The following DIP2C variants were observed in gnomAD, a reference collection of about 807,000 sequenced individuals.
DIP2C encodes the protein disco-interacting protein 2 homolog C.
In DIP2C, 33 loss-of-function variants were observed where a neutral mutation model predicts 192.4. The ratio of observed to expected loss-of-function variants is 0.17; its 90% CI spans 0.13 to 0.23. DIP2C has a LOEUF of 0.23. DIP2C is among the 10% of genes least tolerant of loss of function. The probability of loss-of-function intolerance (pLI) is 1.00; values close to 1 mark genes in which losing one functional copy is unlikely to be tolerated. For synonymous variants in DIP2C, 979 were observed against 864.1 expected (o/e 1.13, Z -2.33); for missense variants, 1,537 against 2,110.1 (o/e 0.73, Z 5.32).
chr10:684,357 T>C (rs1388411142), intron 1 of DIP2C, among the ~76,000 whole-genome samples: 3 of 152,242 alleles, frequency 2.0e-5, no homozygotes, highest in Non-Finnish European at 4.4e-5. Flanking sequence ...GACTTTCAGA[T>C]AGATGTAACA....
chr10:485,304 A>G (rs781372783), intron 2 of DIP2C, among the ~76,000 whole-genome samples: 76 of 152,332 alleles, frequency 5.0e-4, no homozygotes, highest in South Asian at 2.3e-3. Flanking sequence ...CTGTCGCCCC[A>G]TGGCTCTGCG....
intron 10 of DIP2C, among the ~76,000 whole-genome samples, chr10:396,313 C>T (rs1169862719): frequency 6.6e-6 from 1 of 152,204 alleles, no homozygotes; most frequent in Admixed American, 6.5e-5. Context: ...TTTCTGCCAA[C>T]CTGAGAGCAG....
At chr10:338,280 A>G (rs576166683) in intron 29 of DIP2C, among the ~76,000 whole-genome samples, 145 of 152,346 alleles carry the variant, frequency 9.5e-4, no homozygotes, top group African/African-American at 3.3e-3. Flanking sequence ...TGGCGTAGCC[A>G]AAGTGTCTGG....
intron 1 of DIP2C, among the ~76,000 whole-genome samples, chr10:676,291 C>T (rs1830873536): frequency 6.6e-6 from 1 of 152,130 alleles, no homozygotes; most frequent in African/African-American, 2.4e-5. Context: ...ATGTGACAAA[C>T]CCACAGCTAA....
chr10:514,818 A>C (rs2130789623), intron 1 of DIP2C, among the ~76,000 whole-genome samples: 1 of 152,304 alleles, frequency 6.6e-6, no homozygotes, highest in Middle Eastern at 3.4e-3. Context: ...AGGAGTCTCA[A>C]TATCAGAATG....
intron 24 of DIP2C, among the ~76,000 whole-genome samples, chr10:350,698 G>A (rs1179491398): frequency 6.7e-6 from 1 of 149,688 alleles, no homozygotes; most frequent in East Asian, 2.0e-4. Flanking sequence ...GAGTGCAGTG[G>A]CGCGATCTCA....
At chr10:571,454 C>CT (rs143743150) in intron 1 of DIP2C, among the ~76,000 whole-genome samples, 4,038 of 152,090 alleles carry the variant, frequency 0.027, 180 homozygotes, top group African/African-American at 0.093. Flanking sequence ...CTCTCTCTTC[C>CT]TCTCCTCCTG....
chr10:445,207 C>G (rs1968060928), intron 3 of DIP2C, among the ~76,000 whole-genome samples: 1 of 152,138 alleles, frequency 6.6e-6, no homozygotes. Flanking sequence ...AAGAGTCTAT[C>G]TTGCACTGGG....
At chr10:307,791 G>A (rs1180797013) in intron 32 of DIP2C, among the ~76,000 whole-genome samples, 1 of 152,000 alleles carries the variant, frequency 6.6e-6, no homozygotes, top group Non-Finnish European at 1.5e-5. Flanking sequence ...CGGTCCATCT[G>A]GAGGGCAGCA....
chr10:477,291 G>A (rs192748720), intron 2 of DIP2C, among the ~76,000 whole-genome samples: 10 of 46,620 alleles, frequency 2.1e-4, no homozygotes, highest in South Asian at 8.5e-4. Flanking sequence ...AGGAAGAGAC[G>A]GGAGGAAGGT....
intron 1 of DIP2C, among the ~76,000 whole-genome samples, chr10:677,637 T>C (rs571177613): frequency 6.6e-6 from 1 of 152,358 alleles, no homozygotes; most frequent in South Asian, 2.1e-4. Context: ...TACCATTAGG[T>C]CCACAAAGGG....
At chr10:345,518 CCCATCCCAGACACACCGCGCAT>C (rs1958405891) in intron 26 of DIP2C, among the ~76,000 whole-genome samples, 3 of 61,958 alleles carry the variant, frequency 4.8e-5, no homozygotes, top group African/African-American at 1.7e-4. Context: ...CCCACAAACA[CCCATCCCAGACACACCGCGCAT>C]AGTTCTCCCG....
intron 8 of DIP2C, among the ~76,000 whole-genome samples, chr10:413,211 T>C (rs1045522364): frequency 3.9e-5 from 6 of 152,140 alleles, no homozygotes; most frequent in Admixed American, 1.3e-4. Flanking sequence ...TGGCCTCTTA[T>C]CCACAGAAAA....
intron 1 of DIP2C, among the ~76,000 whole-genome samples, chr10:641,259 A>G (rs1401375520): frequency 2.0e-5 from 3 of 152,256 alleles, no homozygotes; most frequent in South Asian, 4.1e-4. Context: ...GGGAATCCCC[A>G]AATGGGCAGT....
rs567541778 is a variant in DIP2C at position 507,703 on chromosome 10, A to G, written c.86-21173T>C. The stretch of plus-strand genomic sequence containing the variant: ...AAAACGATACATATGCGCACAGGTG[A>G]GTTTGTTCCCGCACATTCCTTTCAG... On this transcript the variant is annotated intron_variant, in intron 1 of 36. Coordinates refer to ENST00000280886, the MANE Select transcript of DIP2C (RefSeq NM_014974.3). Among the ~76,000 whole-genome samples, 4 of 152,126 alleles carry G rather than the reference A, an allele frequency of 2.6e-5. No homozygotes were observed. The South Asian group carries it at 6.2e-4, about 24-fold the overall frequency.
chr10:547,305 C>T (rs1848336038), intron 1 of DIP2C, among the ~76,000 whole-genome samples: 1 of 152,150 alleles, frequency 6.6e-6, no homozygotes, highest in South Asian at 2.1e-4. Flanking sequence ...AAGCATGCAC[C>T]CACACATCAG....
At chr10:574,077 A>G (rs1040968990) in intron 1 of DIP2C, among the ~76,000 whole-genome samples, 1 of 152,264 alleles carries the variant, frequency 6.6e-6, no homozygotes, top group African/African-American at 2.4e-5. Context: ...AGCAGATTTT[A>G]AAACTTCAAT....
At chr10:627,650 C>T (rs892228093) in intron 1 of DIP2C, among the ~76,000 whole-genome samples, 136 of 152,192 alleles carry the variant, frequency 8.9e-4, no homozygotes, top group African/African-American at 3.1e-3. Flanking sequence ...ATTAGATGTC[C>T]GGGAGGTGTA....
At chr10:688,360 C>T (rs1831407298) in intron 1 of DIP2C, among the ~76,000 whole-genome samples, 1 of 152,162 alleles carries the variant, frequency 6.6e-6, no homozygotes. Context: ...CAGTTGGCTG[C>T]ACACCATGGC....
Sources: gnomAD v4.1 joint callset for allele counts (sites outside exome capture counted in the v4.1 genomes callset) on GRCh38, gnomAD v4.1.1 for gene constraint, MANE v1.5 for transcripts, NCBI Gene and HGNC (gene_info 2026-07-23, HGNC 2026-07-21) for gene names.